The following VPS13B variants were observed in gnomAD, a reference collection of about 807,000 sequenced individuals.
VPS13B encodes vacuolar protein sorting 13 homolog B.
In VPS13B, 285 loss-of-function variants were observed where a neutral mutation model predicts 426.4. The observed-to-expected ratio is 0.67, with a 90% confidence interval of 0.61 to 0.74. The LOEUF (loss-of-function observed/expected upper bound fraction) is 0.74, where lower values mean the gene tolerates loss of function less well. VPS13B is among the 30% of genes least tolerant of loss of function. The pLI, the probability that VPS13B is intolerant of heterozygous loss-of-function variation, is 0.00. For missense variants in VPS13B, 4,537 were observed against 4,782.6 expected (o/e 0.95, Z 1.51); for synonymous variants, 1,676 against 1,676.4 (o/e 1.00, Z 0.01).
chr8:99,030,816 A>G (rs1842475532), intron 2 of VPS13B, among the ~76,000 whole-genome samples: 1 of 152,204 alleles, frequency 6.6e-6, no homozygotes, highest in Non-Finnish European at 1.5e-5. Context: ...TCGCCAATTC[A>G]TAAATTTGGT....
chr8:99,186,698 G>T (rs541388922), intron 16 of VPS13B, among the ~76,000 whole-genome samples: 3 of 151,914 alleles, frequency 2.0e-5, no homozygotes, highest in Non-Finnish European at 4.4e-5. Context: ...ATTTGTTGTG[G>T]GTTACAGCTG....
chr8:99,550,587 T>A (rs974444813), intron 30 of VPS13B, among the ~76,000 whole-genome samples: 1 of 151,958 alleles, frequency 6.6e-6, no homozygotes, highest in African/African-American at 2.4e-5. Context: ...GCTTTGTTGA[T>A]CTTTTTTATT....
intron 17 of VPS13B, among the ~76,000 whole-genome samples, chr8:99,251,010 C>T (rs1390959669): frequency 6.6e-6 from 1 of 151,802 alleles, no homozygotes; most frequent in Non-Finnish European, 1.5e-5. Flanking sequence ...TATCCTGTGA[C>T]CTTATAAAAC....
chr8:99,015,365 C>T (rs112286501), intron 2 of VPS13B, among the ~76,000 whole-genome samples: 4,349 of 151,310 alleles, frequency 0.029, 84 homozygotes, highest in Non-Finnish European at 0.041. Flanking sequence ...TACAGGCGCC[C>T]GCCACCACGC....
At chr8:99,766,481 C>A (rs1034031195) in intron 39 of VPS13B, among the ~76,000 whole-genome samples, 1 of 152,128 alleles carries the variant, frequency 6.6e-6, no homozygotes, top group Non-Finnish European at 1.5e-5. Context: ...CTAGCCTTAT[C>A]TTTTACTTAC....
intron 44 of VPS13B, 97 bp downstream of exon 44, chr8:99,809,627 T>C: frequency 6.9e-7 from 1 of 1,448,278 alleles, no homozygotes; most frequent in Non-Finnish European, 9.6e-7. Flanking sequence ...ACAGTGGTTA[T>C]GCCTAGTTAT....
chr8:99,406,596 T>C (rs6997090), intron 21 of VPS13B, among the ~76,000 whole-genome samples: 3,352 of 152,268 alleles, frequency 0.022, 102 homozygotes, highest in African/African-American at 0.071. Context: ...GAAATTTAGA[T>C]ATATTTTAAA....
chr8:99,875,338 T>C, intron 61 of VPS13B, 80 bp from the exon 62 acceptor site: 1 of 1,589,582 alleles, frequency 6.3e-7, no homozygotes, highest in African/African-American at 1.3e-5. Flanking sequence ...TGTACAAATA[T>C]ATCGAGGCAA....
chr8:99,308,036 T>A (rs1820733164), intron 19 of VPS13B, among the ~76,000 whole-genome samples: 1 of 152,104 alleles, frequency 6.6e-6, no homozygotes, highest in Non-Finnish European at 1.5e-5. Flanking sequence ...GCATTTTGTT[T>A]AATTTCTGTA....
At chr8:99,311,479 T>A (rs939571259) in intron 19 of VPS13B, among the ~76,000 whole-genome samples, 5 of 152,248 alleles carry the variant, frequency 3.3e-5, no homozygotes, top group Non-Finnish European at 1.5e-5. Flanking sequence ...GTTGAGTGGT[T>A]CTGAGTGAGT....
At chr8:99,841,551 G>A (rs1815684459) in intron 54 of VPS13B, among the ~76,000 whole-genome samples, 1 of 152,162 alleles carries the variant, frequency 6.6e-6, no homozygotes, top group Non-Finnish European at 1.5e-5. Context: ...ATTAGTCCCT[G>A]TCACATCCTT....
At chr8:99,069,095 C>G (rs1052688445) in intron 3 of VPS13B, among the ~76,000 whole-genome samples, 1 of 151,856 alleles carries the variant, frequency 6.6e-6, no homozygotes, top group African/African-American at 2.4e-5. Context: ...TTGGTAATTG[C>G]TAAAATTTGA....
chr8:99,029,952 A>G (rs1842427125), intron 2 of VPS13B, among the ~76,000 whole-genome samples: 1 of 152,076 alleles, frequency 6.6e-6, no homozygotes, highest in Non-Finnish European at 1.5e-5. Context: ...ATCTTTTCTC[A>G]GTTTGACTAT....
intron 23 of VPS13B, among the ~76,000 whole-genome samples, chr8:99,463,038 T>A (rs1275926503): frequency 6.6e-6 from 1 of 152,228 alleles, no homozygotes; most frequent in Admixed American, 6.5e-5. Context: ...ATGGCACTGA[T>A]GTTACCGATA....
intron 33 of VPS13B, among the ~76,000 whole-genome samples, chr8:99,628,008 A>G (rs1391220102): frequency 6.6e-6 from 1 of 152,344 alleles, no homozygotes; most frequent in Non-Finnish European, 1.5e-5. Flanking sequence ...AATCTCTGGA[A>G]ACAATGAGAT....
intron 19 of VPS13B, among the ~76,000 whole-genome samples, chr8:99,362,876 T>C (rs1812646257): frequency 6.6e-6 from 1 of 152,234 alleles, no homozygotes; most frequent in Non-Finnish European, 1.5e-5. Context: ...TATTTACCAT[T>C]TGTATGTCTT....
At chr8:99,211,097 C>T (rs1480816861) in intron 17 of VPS13B, among the ~76,000 whole-genome samples, 1 of 152,142 alleles carries the variant, frequency 6.6e-6, no homozygotes, top group Non-Finnish European at 1.5e-5. Flanking sequence ...TACTCTCATC[C>T]TTGTTACTAC....
intron 51 of VPS13B, among the ~76,000 whole-genome samples, chr8:99,828,324 C>T (rs961314392): frequency 1.3e-5 from 2 of 149,352 alleles, no homozygotes; most frequent in Admixed American, 6.7e-5. Context: ...TTATGTAATG[C>T]CCTTCTTTGT....
intron 2 of VPS13B, among the ~76,000 whole-genome samples, chr8:99,022,964 A>G (rs1841969242): frequency 6.7e-6 from 1 of 148,850 alleles, no homozygotes; most frequent in Non-Finnish European, 1.5e-5. Context: ...ATTTTAGGTT[A>G]TTGATTTGAG....
Sources: allele counts gnomAD v4.1 joint callset (sites outside exome capture counted in the v4.1 genomes callset), GRCh38; gene constraint gnomAD v4.1.1; transcripts MANE v1.5; gene names NCBI Gene and HGNC (gene_info 2026-07-23, HGNC 2026-07-21).